The following SGPP1 variants were observed in gnomAD, a reference collection of about 807,000 sequenced individuals.
SGPP1 encodes the protein sphingosine-1-phosphate phosphatase 1.
Under a neutral mutation model 33.0 loss-of-function variants are expected in SGPP1, and 21 were observed. That is an observed-to-expected ratio of 0.64 (90% confidence interval 0.45 to 0.92). The LOEUF is 0.92. SGPP1 is among the 40% of genes least tolerant of loss of function. The pLI is 0.00. For missense variants in SGPP1, 543 were observed against 589.4 expected, an observed-to-expected ratio of 0.92 and a Z score of 0.81; for synonymous variants, 239 against 241.2, an observed-to-expected ratio of 0.99 and a Z score of 0.08.
intron 2 of SGPP1, among the ~76,000 whole-genome samples, chr14:63,695,309 G>A (rs1203863944): frequency 6.6e-6 from 1 of 152,178 alleles, no homozygotes; most frequent in Non-Finnish European, 1.5e-5. Flanking sequence ...GCCCGCCTCT[G>A]CCTCCCAAAG....
chr14:63,695,754 T>C (rs1165595707), intron 2 of SGPP1, among the ~76,000 whole-genome samples: 1 of 151,984 alleles, frequency 6.6e-6, no homozygotes, highest in African/African-American at 2.4e-5. Context: ...CTACAAAAAA[T>C]TTAAAAATTA....
rs1885827242 is a variant in SGPP1 at position 63,723,992 on chromosome 14, C to G, written c.684+3269G>C. On this transcript the variant is annotated intron_variant, in intron 1 of 2. Transcript: ENST00000247225. ...TCCCAGGCTCAAGTGATGCTCCCAC[C>G]TCAGCCTCCCTAGTAGCTAGAACTA... 2.0e-5 allele frequency among the ~76,000 whole-genome samples: 3 copies of G among 152,156 alleles called. No individual in the cohort carries two copies. The South Asian group carries it at 6.2e-4, about 31-fold the overall frequency.
intron 1 of SGPP1, among the ~76,000 whole-genome samples, chr14:63,702,261 G>C (rs1566820289): frequency 2.6e-5 from 4 of 152,188 alleles, no homozygotes; most frequent in Non-Finnish European, 5.9e-5. Flanking sequence ...AAGAAGCTAT[G>C]AGGCTTTCCT....
At chr14:63,702,533 A>G (rs1005194560) in intron 1 of SGPP1, among the ~76,000 whole-genome samples, 3 of 152,052 alleles carry the variant, frequency 2.0e-5, no homozygotes, top group Non-Finnish European at 4.4e-5. Context: ...AACAGGATGA[A>G]ACCTTGTCTC....
At chr14:63,702,160 G>C (rs1885313632) in intron 1 of SGPP1, among the ~76,000 whole-genome samples, 1 of 152,128 alleles carries the variant, frequency 6.6e-6, no homozygotes, top group Non-Finnish European at 1.5e-5. Flanking sequence ...ATGAAACCAA[G>C]TATGACTTAA....
At chr14:63,690,839 T>C (rs747552362) in intron 2 of SGPP1, among the ~76,000 whole-genome samples, 7 of 152,148 alleles carry the variant, frequency 4.6e-5, no homozygotes, top group Non-Finnish European at 1.0e-4. Context: ...GCCTCCCAAG[T>C]AGCTGGGGTT....
At chr14:63,716,418 C>CG (rs1566535542) in intron 1 of SGPP1, among the ~76,000 whole-genome samples, 2 of 151,806 alleles carry the variant, frequency 1.3e-5, no homozygotes, top group African/African-American at 4.8e-5. Flanking sequence ...CGCTTGAATC[C>CG]GGGGGGTGGA....
intron 1 of SGPP1, among the ~76,000 whole-genome samples, chr14:63,720,699 G>A (rs1231865883): frequency 6.6e-6 from 1 of 152,132 alleles, no homozygotes; most frequent in African/African-American, 2.4e-5. Context: ...GCCGGAGGTT[G>A]CGGTGAGCCA....
chr14:63,691,610 C>T (rs914711951), intron 2 of SGPP1, among the ~76,000 whole-genome samples: 1 of 152,056 alleles, frequency 6.6e-6, no homozygotes, highest in African/African-American at 2.4e-5. Flanking sequence ...AAGTTCATAA[C>T]CCTTGCTGTA....
At chr14:63,705,789 T>C (rs956801792) in intron 1 of SGPP1, among the ~76,000 whole-genome samples, 5 of 152,180 alleles carry the variant, frequency 3.3e-5, no homozygotes, top group Non-Finnish European at 5.9e-5. Flanking sequence ...TAACAAGTAT[T>C]GGTGAGTATG....
At chr14:63,712,451 A>C (rs1211669842) in intron 1 of SGPP1, among the ~76,000 whole-genome samples, 1 of 152,052 alleles carries the variant, frequency 6.6e-6, no homozygotes. Flanking sequence ...TCCCTTGACC[A>C]CAGCTACTTG....
At position 63,686,377 on chromosome 14, in the gene SGPP1, A is replaced by G. The variant is rs1010756785; in HGVS notation, c.1054T>C (p.Leu352=). 6.2e-7 allele frequency: 1 copy of G among 1,614,176 alleles called. No individual in the cohort carries two copies. Among genetic ancestry groups the G allele is most frequent in the Admixed American group, 1.7e-5 (1 of 60,016 alleles). The part of the protein sequence containing the change: ...VLDPSLDTLP[L]AGPPITVTLF... ...GTCACAGTAATGGGGGGCCCAGCTAAAGGTAATGTATCTAGAGAAGGATCT... is the reference window on the plus strand; with the variant it reads ...GTCACAGTAATGGGGGGCCCAGCTAGAGGTAATGTATCTAGAGAAGGATCT... The change falls in exon 3 of 3, where the codon TTA becomes CTA. Residue 352 remains leucine (L), a synonymous_variant. Coordinates refer to ENST00000247225, the MANE Select transcript of SGPP1 (RefSeq NM_030791.4).
intron 2 of SGPP1, among the ~76,000 whole-genome samples, chr14:63,686,924 C>T (rs901202252): frequency 8.5e-5 from 13 of 152,232 alleles, no homozygotes; most frequent in African/African-American, 3.1e-4. Context: ...TTCTGAACAA[C>T]AAATTATGCT....
At chr14:63,703,209 T>C (rs1355230520) in intron 1 of SGPP1, among the ~76,000 whole-genome samples, 2 of 144,232 alleles carry the variant, frequency 1.4e-5, no homozygotes, top group Non-Finnish European at 3.1e-5. Context: ...ATACCAGCAA[T>C]AAAAAAAAAA....
intron 2 of SGPP1, among the ~76,000 whole-genome samples, chr14:63,694,642 T>C (rs1489881249): frequency 2.0e-5 from 3 of 152,218 alleles, no homozygotes; most frequent in African/African-American, 7.2e-5. Flanking sequence ...CATAACCATG[T>C]TGGCTATCAT....
intron 1 of SGPP1, among the ~76,000 whole-genome samples, chr14:63,711,015 C>G (rs79311552): frequency 7.8e-5 from 11 of 140,714 alleles, no homozygotes; most frequent in African/African-American, 2.9e-4. Flanking sequence ...TGTTTTCTTT[C>G]TTTTTTTTTT....
rs919042603 is a variant in SGPP1, at chr14:63,688,624, T to C, written c.775-1968A>G. On this transcript the variant is annotated intron_variant, in intron 2 of 2. Transcript: ENST00000247225. ...AATGTTTATATTCACTGTCTCCACT[T>C]CCTCACCTCTGATTTTTCTCTAAAC... Among the ~76,000 whole-genome samples the C allele has an allele frequency of 3.9e-5, 6 of 152,120 alleles. No individual in the cohort carries two copies. In the East Asian group the frequency reaches 1.2e-3, roughly 29 times the overall value.
In SGPP1 at chr14:63,713,760, T is replaced by C. The variant is rs544666931; in HGVS notation, c.684+13501A>G. Among the ~76,000 whole-genome samples the C allele has an allele frequency of 1.2e-4, 18 of 152,338 alleles. No homozygotes were observed. The Middle Eastern group carries it at 0.01, about 86-fold the overall frequency. ...GGAAATTATATACAGTTCATACATA[T>C]GGGTGTGAAGTTGACAAGGTTTGAA... is the stretch of plus-strand genomic sequence containing the variant. On this transcript the variant is annotated intron_variant, in intron 1 of 2. Coordinates refer to ENST00000247225, the MANE Select transcript of SGPP1 (RefSeq NM_030791.4).
intron 1 of SGPP1, among the ~76,000 whole-genome samples, chr14:63,726,087 C>T (rs1053632178): frequency 1.3e-5 from 2 of 152,256 alleles, no homozygotes; most frequent in East Asian, 1.9e-4. Flanking sequence ...ATGCACAATG[C>T]GTATTTTCCA....
Sources: allele counts gnomAD v4.1 joint callset (sites outside exome capture counted in the v4.1 genomes callset), GRCh38; gene constraint gnomAD v4.1.1; transcripts MANE v1.5; gene names NCBI Gene and HGNC (gene_info 2026-07-23, HGNC 2026-07-21).